ADAMTSL1: variants seen among roughly 807,000 people sequenced by gnomAD.
ADAMTSL1 encodes ADAMTS-like protein 1.
A neutral mutation model predicts 201.8 loss-of-function variants in ADAMTSL1; 126 were observed. The observed-to-expected ratio is 0.62, with a 90% CI of 0.54 to 0.72. The LOEUF (loss-of-function observed/expected upper bound fraction) is 0.72, where lower values mean the gene tolerates loss of function less well. Among genes scored for constraint, ADAMTSL1 ranks in the 30% least tolerant of loss-of-function variants. The pLI is 0.00. For missense variants in ADAMTSL1, 2,679 were observed against 2,277.8 expected (o/e 1.18, Z -3.59); for synonymous variants, 1,121 against 903.4 (o/e 1.24, Z -4.32).
chr9:18,618,112 C>A (rs1412954176), intron 4 of ADAMTSL1, among the ~76,000 whole-genome samples: 1 of 152,162 alleles, frequency 6.6e-6, no homozygotes, highest in Non-Finnish European at 1.5e-5. Context: ...GAAATAGTCT[C>A]TAAAAAATAA....
chr9:18,456,822 C>T (rs1396063193), intron 2 of ADAMTSL1, among the ~76,000 whole-genome samples: 2 of 152,186 alleles, frequency 1.3e-5, no homozygotes, highest in African/African-American at 4.8e-5. Context: ...TCAACCCCAC[C>T]ATGAAGCTAC....
chr9:17,940,712 C>CAAAAAA (rs60466124), intron 1 of ADAMTSL1, among the ~76,000 whole-genome samples: 1 of 88,682 alleles, frequency 1.1e-5, no homozygotes, highest in African/African-American at 4.4e-5. Flanking sequence ...GCATAACGTG[C>CAAAAAA]AAAAAAAAAA....
intron 1 of ADAMTSL1, among the ~76,000 whole-genome samples, chr9:18,110,431 A>G (rs950618951): frequency 1.3e-5 from 2 of 152,312 alleles, no homozygotes; most frequent in Admixed American, 1.3e-4. Context: ...ACCAGGGTCT[A>G]TGACTGAAAT....
At chr9:18,268,567 T>C (rs1832230199) in intron 2 of ADAMTSL1, among the ~76,000 whole-genome samples, 1 of 152,180 alleles carries the variant, frequency 6.6e-6, no homozygotes, top group South Asian at 2.1e-4. Flanking sequence ...ATGCCTCCAT[T>C]CATTTCTCTA....
intron 1 of ADAMTSL1, among the ~76,000 whole-genome samples, chr9:18,033,542 T>C (rs1821064708): frequency 6.6e-6 from 1 of 152,198 alleles, no homozygotes; most frequent in African/African-American, 2.4e-5. Flanking sequence ...AAAAAGGTTT[T>C]AGGGAATGTC....
At chr9:18,401,865 T>A (rs1818000200) in intron 2 of ADAMTSL1, among the ~76,000 whole-genome samples, 1 of 152,256 alleles carries the variant, frequency 6.6e-6, no homozygotes, top group South Asian at 2.1e-4. Flanking sequence ...GGAGGACCGT[T>A]CTCACCTGCA....
chr9:18,300,972 A>T (rs760158900), intron 2 of ADAMTSL1, among the ~76,000 whole-genome samples: 17 of 152,228 alleles, frequency 1.1e-4, no homozygotes, highest in Non-Finnish European at 1.8e-4. Context: ...AAAATTGAGC[A>T]GGCAAAAAAA....
At chr9:18,580,874 C>G (rs1312248383) in intron 4 of ADAMTSL1, among the ~76,000 whole-genome samples, 1 of 152,102 alleles carries the variant, frequency 6.6e-6, no homozygotes, top group Admixed American at 6.5e-5. Context: ...AGTCACTATA[C>G]TATACTGCCC....
chr9:18,137,328 A>G (rs760065756), intron 1 of ADAMTSL1, among the ~76,000 whole-genome samples: 3 of 152,218 alleles, frequency 2.0e-5, no homozygotes, highest in Non-Finnish European at 2.9e-5. Context: ...TATAATACAT[A>G]TCATAGAAAG....
chr9:17,942,297 G>A (rs1204569503), intron 1 of ADAMTSL1, among the ~76,000 whole-genome samples: 7 of 152,056 alleles, frequency 4.6e-5, no homozygotes, highest in African/African-American at 1.7e-4. Context: ...ATATTACCTT[G>A]TATTACCTAC....
intron 26 of ADAMTSL1, among the ~76,000 whole-genome samples, chr9:18,894,029 A>G (rs1345716124): frequency 2.0e-5 from 3 of 152,216 alleles, no homozygotes; most frequent in Admixed American, 6.5e-5. Context: ...GCAGCCCACA[A>G]TATTTGCAGG....
chr9:18,174,324 G>T (rs992208406), intron 2 of ADAMTSL1, among the ~76,000 whole-genome samples: 12 of 152,110 alleles, frequency 7.9e-5, no homozygotes, highest in African/African-American at 2.7e-4. Flanking sequence ...ATGTATGGAG[G>T]CACCATCCAT....
At chr9:18,107,921 T>G (rs1312223687) in intron 1 of ADAMTSL1, among the ~76,000 whole-genome samples, 1 of 152,108 alleles carries the variant, frequency 6.6e-6, no homozygotes, top group Non-Finnish European at 1.5e-5. Flanking sequence ...CCAGCACAGT[T>G]TCCTGCCGCC....
intron 23 of ADAMTSL1, among the ~76,000 whole-genome samples, chr9:18,839,171 C>T (rs1825542144): frequency 6.9e-6 from 1 of 145,354 alleles, no homozygotes; most frequent in South Asian, 2.3e-4. Flanking sequence ...TCTCCTAATG[C>T]TATCCCTCCC....
chr9:18,475,453 A>G (rs17206657), intron 1 of ADAMTSL1, among the ~76,000 whole-genome samples: 12,085 of 152,284 alleles, frequency 0.079, 661 homozygotes, highest in Non-Finnish European at 0.12. Context: ...TCAATATTTT[A>G]TACATTCCCA....
At chr9:18,102,909 GA>G (rs1465370798) in intron 1 of ADAMTSL1, among the ~76,000 whole-genome samples, 2 of 152,040 alleles carry the variant, frequency 1.3e-5, no homozygotes, top group Non-Finnish European at 2.9e-5. Context: ...GTCAGAGAGG[GA>G]AAAAAATCCA....
At chr9:18,662,131 A>G in intron 9 of ADAMTSL1, 58 bp downstream of exon 9, 1 of 1,562,630 alleles carries the variant, frequency 6.4e-7, no homozygotes, top group Non-Finnish European at 8.7e-7. Context: ...CAAATAGGTT[A>G]TTTAAATTAA....
chr9:18,884,513 CTGCGATTT>C (rs1248131468), intron 23 of ADAMTSL1, among the ~76,000 whole-genome samples: 5 of 151,584 alleles, frequency 3.3e-5, no homozygotes, highest in Non-Finnish European at 7.4e-5. Context: ...AAGTTTTCCC[CTGCGATTT>C]TTTTTAAGAG....
intron 16 of ADAMTSL1, among the ~76,000 whole-genome samples, chr9:18,766,707 G>T (rs1366993845): frequency 6.6e-6 from 1 of 152,142 alleles, no homozygotes; most frequent in Non-Finnish European, 1.5e-5. Flanking sequence ...TCCTCCACAT[G>T]ATGGAAGGGG....
Sources: gnomAD v4.1 joint callset for allele counts (sites outside exome capture counted in the v4.1 genomes callset) on GRCh38, gnomAD v4.1.1 for gene constraint, MANE v1.5 for transcripts, NCBI Gene and HGNC (gene_info 2026-07-23, HGNC 2026-07-21) for gene names.